Variants in SKIC3 observed in about 807,000 individuals in gnomAD.
The protein encoded by SKIC3 is superkiller complex protein 3.
At chr5:95,470,134 C>T in the SKIC3 span, among the ~76,000 whole-genome samples, 1 of 152,118 alleles carries the variant, frequency 6.6e-6, no homozygotes, top group African/African-American at 2.4e-5. Context: ...CCCGCCACCA[C>T]ACCCGGCTAA....
At chr5:95,543,162 G>GA in the SKIC3 span, 927 of 1,521,152 alleles carry the variant, frequency 6.1e-4, no homozygotes, top group African/African-American at 1.7e-3. Flanking sequence ...CCATAATACA[G>GA]AAAAAAAAAA....
At chr5:95,478,023 A>G in the SKIC3 span, among the ~76,000 whole-genome samples, 24 of 152,302 alleles carry the variant, frequency 1.6e-4, no homozygotes, top group African/African-American at 5.3e-4. Flanking sequence ...TGTTTCACCA[A>G]GAAACAAAAA....
At chr5:95,513,396 A>T in the SKIC3 span, 1 of 651,564 alleles carries the variant, frequency 1.5e-6, no homozygotes, top group South Asian at 1.7e-5. Flanking sequence ...TTTAAGAGAC[A>T]GGGTCTTGCT....
At chr5:95,546,352 C>CAAA in the SKIC3 span, among the ~76,000 whole-genome samples, 55 of 136,540 alleles carry the variant, frequency 4.0e-4, no homozygotes, top group African/African-American at 1.4e-3. Context: ...AAAAAAAAAA[C>CAAA]AAAAAAAAAA....
the SKIC3 span, among the ~76,000 whole-genome samples, chr5:95,481,071 T>C: frequency 6.6e-6 from 1 of 152,094 alleles, no homozygotes; most frequent in South Asian, 2.1e-4. Context: ...TATAGAGTAG[T>C]ACTTTTAAGA....
At chr5:95,500,207 G>C in the SKIC3 span, among the ~76,000 whole-genome samples, 1,188 of 152,170 alleles carry the variant, frequency 7.8e-3, 16 homozygotes, top group African/African-American at 0.027. Flanking sequence ...TGTTGTACCA[G>C]GAATCACAAG....
chr5:95,536,652 A>T, the SKIC3 span: 1 of 633,872 alleles, frequency 1.6e-6, no homozygotes, highest in East Asian at 2.7e-5. Flanking sequence ...TATATTTATT[A>T]GTCTTTTCAT....
chr5:95,531,610 C>T, the SKIC3 span, among the ~76,000 whole-genome samples: 1 of 152,154 alleles, frequency 6.6e-6, no homozygotes, highest in African/African-American at 2.4e-5. Context: ...ACTTGGAAGA[C>T]TTGTTAAAAC....
At chr5:95,516,820 G>C in the SKIC3 span, 2 of 1,574,598 alleles carry the variant, frequency 1.3e-6, no homozygotes, top group South Asian at 2.3e-5. Context: ...GATATATGTG[G>C]TTTTATGTGA....
the SKIC3 span, among the ~76,000 whole-genome samples, chr5:95,528,607 AT>A: frequency 7.9e-5 from 12 of 152,106 alleles, no homozygotes; most frequent in African/African-American, 2.9e-4. Context: ...ATGATTTCCT[AT>A]CCCCACCCCT....
chr5:95,483,218 T>C, the SKIC3 span, among the ~76,000 whole-genome samples: 2 of 152,270 alleles, frequency 1.3e-5, no homozygotes, highest in South Asian at 4.2e-4. Flanking sequence ...TTATATTCTC[T>C]GTATGTGTAT....
the SKIC3 span, among the ~76,000 whole-genome samples, chr5:95,520,082 T>C: frequency 1.6e-4 from 25 of 151,808 alleles, no homozygotes; most frequent in East Asian, 4.5e-3. Flanking sequence ...TGTTTAAGAG[T>C]TACAAAAAAT....
the SKIC3 span, among the ~76,000 whole-genome samples, chr5:95,518,599 T>TAATTTGGATA: frequency 3.3e-5 from 5 of 152,240 alleles, no homozygotes; most frequent in African/African-American, 1.2e-4. Flanking sequence ...CTTAACATAA[T>TAATTTGGATA]GTCCTCCAGT....
chr5:95,552,262 A>G, the SKIC3 span, among the ~76,000 whole-genome samples: 2 of 152,194 alleles, frequency 1.3e-5, no homozygotes, highest in East Asian at 3.9e-4. Flanking sequence ...ACTACACTAC[A>G]TGAATACTAG....
chr5:95,543,158 T>C, the SKIC3 span: 20 of 1,612,684 alleles, frequency 1.2e-5, no homozygotes, highest in South Asian at 3.3e-5. Flanking sequence ...ATTTCCATAA[T>C]ACAGAAAAAA....
the SKIC3 span, chr5:95,525,672 A>C: frequency 6.2e-7 from 1 of 1,613,930 alleles, no homozygotes; most frequent in South Asian, 1.1e-5. Context: ...TGCATCAGAA[A>C]TCTAGAAAAT....
chr5:95,470,225 A>G, the SKIC3 span, among the ~76,000 whole-genome samples: 11 of 151,798 alleles, frequency 7.2e-5, no homozygotes, highest in Admixed American at 1.3e-4. Flanking sequence ...TGATCCGCCC[A>G]CCTCGGCCTC....
the SKIC3 span, among the ~76,000 whole-genome samples, chr5:95,476,586 G>T: frequency 6.6e-6 from 1 of 152,040 alleles, no homozygotes; most frequent in Non-Finnish European, 1.5e-5. Context: ...GCACTTTAAG[G>T]TTTACAAAGG....
At chr5:95,464,690 A>T in the SKIC3 span, 4 of 1,608,082 alleles carry the variant, frequency 2.5e-6, no homozygotes, top group Middle Eastern at 4.9e-4. Context: ...ACCTATGGGA[A>T]ATCACATACA....
Sources: gnomAD v4.1 joint callset for allele counts (sites outside exome capture counted in the v4.1 genomes callset) on GRCh38, gnomAD v4.1.1 for gene constraint, MANE v1.5 for transcripts, NCBI Gene and HGNC (gene_info 2026-07-23, HGNC 2026-07-21) for gene names.